LY6S: variants seen among roughly 807,000 people sequenced by gnomAD.
LY6S encodes lymphocyte antigen 6S.
chr8:143,041,151 C>T, the LY6S span, among the ~76,000 whole-genome samples: 3 of 152,068 alleles, frequency 2.0e-5, no homozygotes, highest in Non-Finnish European at 4.4e-5. Context: ...ACCAGTCTGA[C>T]CAAAATTTAT....
chr8:143,043,354 G>C, the LY6S span: 2 of 875,570 alleles, frequency 2.3e-6, no homozygotes, highest in Non-Finnish European at 3.2e-6. Context: ...AGAGAGCGGG[G>C]TGGGGGATGA....
chr8:143,069,694 C>G, the LY6S span, among the ~76,000 whole-genome samples: 158 of 152,312 alleles, frequency 1.0e-3, no homozygotes, highest in African/African-American at 3.7e-3. Flanking sequence ...CCTTTCCCCC[C>G]ACATTTGAAG....
the LY6S span, chr8:143,065,897 C>A: frequency 3.0e-5 from 7 of 235,840 alleles, no homozygotes; most frequent in South Asian, 4.2e-4. Context: ...TGTCTTCAGT[C>A]TTTAAGGACT....
chr8:143,054,080 G>A, the LY6S span: 1 of 152,216 alleles, frequency 6.6e-6, no homozygotes, highest in South Asian at 2.1e-4. Context: ...GCCAAGGCGG[G>A]TGGATCACAA....
At chr8:143,066,809 T>G in the LY6S span, among the ~76,000 whole-genome samples, 1 of 152,092 alleles carries the variant, frequency 6.6e-6, no homozygotes, top group Non-Finnish European at 1.5e-5. Context: ...CTGGGACGAG[T>G]TAAGACTTTG....
the LY6S span, among the ~76,000 whole-genome samples, chr8:143,045,897 A>C: frequency 3.3e-5 from 5 of 151,228 alleles, no homozygotes; most frequent in African/African-American, 1.2e-4. The surrounding 1 kb of genome is among the most constrained non-coding windows in gnomAD (Gnocchi z 5.3). Context: ...ACTGTTACCC[A>C]AGCTGGAGTA....
chr8:143,055,473 A>G, the LY6S span, among the ~76,000 whole-genome samples: 1 of 152,230 alleles, frequency 6.6e-6, no homozygotes, highest in South Asian at 2.1e-4. Context: ...GGCATTATAG[A>G]AAGTTTTGTA....
chr8:143,064,903 T>C, the LY6S span, among the ~76,000 whole-genome samples: 5 of 152,202 alleles, frequency 3.3e-5, no homozygotes, highest in Non-Finnish European at 7.3e-5. Context: ...CCATAGCTCA[T>C]CTGCAGTGAG....
At chr8:143,075,707 G>GA in the LY6S span, among the ~76,000 whole-genome samples, 1 of 151,838 alleles carries the variant, frequency 6.6e-6, no homozygotes, top group East Asian at 1.9e-4. The surrounding 1 kb of genome is among the most constrained non-coding windows in gnomAD (Gnocchi z 4.1). Context: ...CAATCTCAGA[G>GA]AAAAAAAGAA....
chr8:143,060,980 A>AAAAAACAGCTG, the LY6S span, among the ~76,000 whole-genome samples: 36,415 of 152,044 alleles, frequency 0.24, 6,346 homozygotes, highest in African/African-American at 0.47. Context: ...AAAGAAAGAT[A>AAAAAACAGCTG]GGAAAAATAA....
the LY6S span, among the ~76,000 whole-genome samples, chr8:143,051,268 C>G: frequency 1.3e-5 from 2 of 152,276 alleles, no homozygotes; most frequent in South Asian, 2.1e-4. Context: ...GAACTAGCAG[C>G]TCAGCGTGGT....
chr8:143,070,117 T>A, the LY6S span, among the ~76,000 whole-genome samples: 1 of 151,900 alleles, frequency 6.6e-6, no homozygotes, highest in East Asian at 1.9e-4. Flanking sequence ...GCAGATGGCA[T>A]CTGCTCCCTG....
chr8:143,067,007 GTGT>G, the LY6S span, among the ~76,000 whole-genome samples: 1 of 152,162 alleles, frequency 6.6e-6, no homozygotes, highest in Non-Finnish European at 1.5e-5. Flanking sequence ...CTGGTGGGTG[GTGT>G]TTGGATCGTT....
the LY6S span, among the ~76,000 whole-genome samples, chr8:143,053,014 C>T: frequency 2.6e-5 from 4 of 152,176 alleles, no homozygotes; most frequent in South Asian, 2.1e-4. Context: ...GGGCTGCCCT[C>T]GCCTGGCAAG....
the LY6S span, chr8:143,044,626 A>C: frequency 7.5e-7 from 1 of 1,331,478 alleles, no homozygotes; most frequent in Non-Finnish European, 9.9e-7. Context: ...GCAGCTATCT[A>C]AGAAGTGCCC....
chr8:143,076,016 G>C, the LY6S span, among the ~76,000 whole-genome samples: 1 of 151,840 alleles, frequency 6.6e-6, no homozygotes, highest in Admixed American at 6.6e-5. Context: ...CTTGCTCACT[G>C]TTGCCTTGAA....
the LY6S span, among the ~76,000 whole-genome samples, chr8:143,041,969 G>A: frequency 0.01 from 5 of 500 alleles, 1 homozygote; most frequent in African/African-American, 0.11. Flanking sequence ...TGAGACGGCC[G>A]TCCACCCAGG....
chr8:143,055,993 C>A, the LY6S span, among the ~76,000 whole-genome samples: 256 of 151,938 alleles, frequency 1.7e-3, 3 homozygotes, highest in African/African-American at 5.9e-3. Flanking sequence ...CACATAAATT[C>A]TTTTTATTGG....
chr8:143,070,464 A>AAT, the LY6S span, among the ~76,000 whole-genome samples: 4 of 34,214 alleles, frequency 1.2e-4, no homozygotes, highest in African/African-American at 4.5e-4. Context: ...ATATATATAT[A>AAT]ATATATATAT....
Sources: allele counts gnomAD v4.1 joint callset (sites outside exome capture counted in the v4.1 genomes callset), GRCh38; gene constraint gnomAD v4.1.1; non-coding constraint Gnocchi (gnomAD v3.1); transcripts MANE v1.5; gene names NCBI Gene and HGNC (gene_info 2026-07-23, HGNC 2026-07-21).